The following KIF4A variants were observed in gnomAD, a reference collection of about 807,000 sequenced individuals.
KIF4A encodes kinesin family member 4A, also known as chromosome-associated kinesin KIF4A.
Under a neutral mutation model 105.9 loss-of-function variants are expected in KIF4A, and 7 were observed. The observed-to-expected ratio is 0.07, with a 90% CI of 0.04 to 0.12. The LOEUF is 0.12. Among genes scored for constraint, KIF4A ranks in the 10% least tolerant of loss-of-function variants. The pLI is 1.00. For synonymous variants in KIF4A, 281 were observed against 331.3 expected, an observed-to-expected ratio of 0.85 and a Z score of 1.65; for missense variants, 558 against 929.2, an observed-to-expected ratio of 0.60 and a Z score of 5.19.
At chrX:70,297,336 C>T (rs780101528) in intron 4 of KIF4A, 148 bp downstream of exon 4, 5 of 500,664 alleles carry the variant, frequency 1.0e-5, no homozygotes, top group African/African-American at 2.4e-5. Context: ...CAGTTGGATC[C>T]GGCTCCCACC....
intron 13 of KIF4A, among the ~76,000 whole-genome samples, chrX:70,346,567 G>GACACC (rs1470813547): frequency 3.6e-5 from 4 of 111,955 alleles, no homozygotes; most frequent in Non-Finnish European, 5.6e-5. Flanking sequence ...CCTGTAGAGG[G>GACACC]AGTTGCTAGT....
At chrX:70,339,536 A>G (rs1333130321) in intron 10 of KIF4A, among the ~76,000 whole-genome samples, 3 of 112,841 alleles carry the variant, frequency 2.7e-5, no homozygotes, top group Non-Finnish European at 5.6e-5. Flanking sequence ...AATAGATTCT[A>G]AGAAACAGTT....
At chrX:70,379,104 A>G (rs915709374) in intron 18 of KIF4A, among the ~76,000 whole-genome samples, 13 of 108,866 alleles carry the variant, frequency 1.2e-4, no homozygotes, top group African/African-American at 3.7e-4. Context: ...CGGAGCTTGC[A>G]GTGAGCAGAG....
At chrX:70,297,986 C>T (rs2085789731) in intron 4 of KIF4A, among the ~76,000 whole-genome samples, 1 of 110,110 alleles carries the variant, frequency 9.1e-6, no homozygotes, top group Non-Finnish European at 1.9e-5. Context: ...GATTAGCCTT[C>T]TTGGCCAGGC....
rs780065755 is a variant in KIF4A, at chrX:70,372,196, C to T, written c.1675-1955C>T. The stretch of plus-strand genomic sequence containing the variant: ...GCAGAGGGGCTCCTCACGTCCCAGA[C>T]GATGGGCGGCCAGGCAGAGACGCTC... On this transcript the variant is annotated intron_variant, in intron 15 of 30. Coordinates refer to ENST00000374403, the MANE Select transcript of KIF4A (RefSeq NM_012310.5). 9.3e-4 allele frequency among the ~76,000 whole-genome samples: 100 copies of T among 107,392 alleles called. 1 individual carries two copies. The highest frequency in any genetic ancestry group is 3.2e-3 in the African/African-American group (92 of 29,185). The allele number at this position is 107,392 out of a possible 115,157, so 93.3% of individuals were successfully genotyped here. A position where few individuals can be genotyped will look rare whatever the true frequency, so the allele number is the denominator to read the frequency against.
At chrX:70,413,663 G>A (rs1215391773) in intron 28 of KIF4A, among the ~76,000 whole-genome samples, 15 of 104,577 alleles carry the variant, frequency 1.4e-4, no homozygotes, top group Non-Finnish European at 1.4e-4. Context: ...TGGGTAGGCC[G>A]GGCACGGTGG....
At chrX:70,317,916 T>C (rs1362960380) in intron 7 of KIF4A, among the ~76,000 whole-genome samples, 2 of 105,975 alleles carry the variant, frequency 1.9e-5, no homozygotes, top group African/African-American at 3.5e-5. Flanking sequence ...CTCACTCCAT[T>C]GCCCAGGCTG....
intron 23 of KIF4A, 99 bp from the exon 24 acceptor site, chrX:70,403,765 C>A: frequency 1.3e-6 from 1 of 780,465 alleles, no homozygotes; most frequent in Non-Finnish European, 1.8e-6. Flanking sequence ...GAATTTTTCT[C>A]AGACCCTTTC....
At chrX:70,371,348 A>T (rs2086131739) in intron 15 of KIF4A, among the ~76,000 whole-genome samples, 1 of 110,536 alleles carries the variant, frequency 9.0e-6, no homozygotes, top group South Asian at 3.9e-4. Context: ...AGTACAGAAC[A>T]AAATGAAAAG....
intron 15 of KIF4A, among the ~76,000 whole-genome samples, chrX:70,360,077 C>T (rs1396875484): frequency 1.8e-5 from 2 of 111,580 alleles, no homozygotes; most frequent in East Asian, 2.8e-4. Context: ...CACGTGCACC[C>T]GAATCAGCTG....
chrX:70,307,947 G>A (rs2147663815), intron 7 of KIF4A, among the ~76,000 whole-genome samples: 1 of 111,999 alleles, frequency 8.9e-6, no homozygotes, highest in Non-Finnish European at 1.9e-5. Context: ...TTTGCCAAGA[G>A]TTTTGTGTCT....
chrX:70,310,723 G>C (rs1555945573), intron 7 of KIF4A, among the ~76,000 whole-genome samples: 1 of 110,937 alleles, frequency 9.0e-6, no homozygotes, highest in South Asian at 3.8e-4. Context: ...ACGTTTTTTT[G>C]TATGCTCTGG....
At chrX:70,316,525 A>T (rs183843506) in intron 7 of KIF4A, among the ~76,000 whole-genome samples, 1 of 111,608 alleles carries the variant, frequency 9.0e-6, no homozygotes, top group South Asian at 3.7e-4. Context: ...ACATAAATAT[A>T]TATTACATAT....
chrX:70,371,156 C>T (rs180814930), intron 15 of KIF4A, among the ~76,000 whole-genome samples: 20 of 109,559 alleles, frequency 1.8e-4, no homozygotes, highest in South Asian at 4.0e-4. Flanking sequence ...AGTCAGTTTT[C>T]GCCAATCTTT....
chrX:70,306,755 G>A (rs764623063), intron 7 of KIF4A, among the ~76,000 whole-genome samples: 57 of 110,643 alleles, frequency 5.2e-4, no homozygotes, highest in Non-Finnish European at 9.5e-4. Flanking sequence ...TGGCCAGGCT[G>A]GTCTCAAACT....
chrX:70,365,780 C>T (rs1193739588), intron 15 of KIF4A, among the ~76,000 whole-genome samples: 5 of 111,772 alleles, frequency 4.5e-5, no homozygotes, highest in African/African-American at 1.6e-4. Context: ...GGAGGATTCC[C>T]TCTTTTTCTA....
chrX:70,345,268 A>C (rs2085987624), intron 13 of KIF4A, among the ~76,000 whole-genome samples: 1 of 111,762 alleles, frequency 8.9e-6, no homozygotes, highest in Non-Finnish European at 1.9e-5. Context: ...GTTCAAAACT[A>C]GCCTGGCCAA....
At chrX:70,417,332 C>T (rs1228762123) in intron 28 of KIF4A, among the ~76,000 whole-genome samples, 33 of 111,174 alleles carry the variant, frequency 3.0e-4, no homozygotes, top group African/African-American at 9.5e-4. Flanking sequence ...GTGAAACCCC[C>T]GTCTCTACTA....
At chrX:70,329,190 A>T (rs1201250877) in intron 7 of KIF4A, among the ~76,000 whole-genome samples, 1 of 112,220 alleles carries the variant, frequency 8.9e-6, no homozygotes, top group East Asian at 2.8e-4. Flanking sequence ...AAGGGCAAGA[A>T]GTGCCAGTGG....
Sources: gnomAD v4.1 joint callset for allele counts (sites outside exome capture counted in the v4.1 genomes callset) on GRCh38, gnomAD v4.1.1 for gene constraint, MANE v1.5 for transcripts, NCBI Gene and HGNC (gene_info 2026-07-23, HGNC 2026-07-21) for gene names.